The following DNAH5 variants were observed in gnomAD, a reference collection of about 807,000 sequenced individuals.
DNAH5 encodes the protein dynein axonemal heavy chain 5.
A neutral mutation model predicts 518.2 loss-of-function variants in DNAH5; 372 were observed. That is an observed-to-expected ratio of 0.72 (90% confidence interval 0.66 to 0.78). The LOEUF (loss-of-function observed/expected upper bound fraction) is 0.78. Ranked by LOEUF, DNAH5 falls within the 30% of genes least tolerant of loss-of-function variation. The pLI, the probability that DNAH5 is intolerant of heterozygous loss-of-function variation, is 0.00. For missense variants in DNAH5, 5,523 were observed against 5,687.0 expected (o/e 0.97, Z 0.93); for synonymous variants, 2,039 against 2,025.9 (o/e 1.01, Z -0.17).
intron 55 of DNAH5, among the ~76,000 whole-genome samples, chr5:13,775,750 T>A (rs1753997832): frequency 6.6e-6 from 1 of 152,154 alleles, no homozygotes; most frequent in Admixed American, 6.6e-5. Context: ...GACTCCAGAA[T>A]GCTTCCTCCG....
At chr5:13,742,616 C>A (rs1703637223) in intron 65 of DNAH5, among the ~76,000 whole-genome samples, 1 of 151,978 alleles carries the variant, frequency 6.6e-6, no homozygotes, top group Non-Finnish European at 1.5e-5. Context: ...GCAAACCATT[C>A]AATTCTTGAT....
intron 65 of DNAH5, among the ~76,000 whole-genome samples, chr5:13,749,460 C>T (rs1297910037): frequency 2.0e-5 from 3 of 152,266 alleles, no homozygotes; most frequent in Admixed American, 1.3e-4. Flanking sequence ...TAACAAGCTC[C>T]TTATTTCATC....
intron 43 of DNAH5, among the ~76,000 whole-genome samples, chr5:13,814,212 A>G (rs1761105609): frequency 6.6e-6 from 1 of 152,154 alleles, no homozygotes; most frequent in African/African-American, 2.4e-5. Context: ...TAATAAACTG[A>G]CTCCAAGTTA....
intron 31 of DNAH5, among the ~76,000 whole-genome samples, chr5:13,850,133 A>G (rs971860755): frequency 2.0e-5 from 3 of 151,952 alleles, no homozygotes; most frequent in Admixed American, 2.0e-4. Flanking sequence ...TATGTAACAT[A>G]TTTCTACTTA....
At chr5:13,769,275 T>C in intron 57 of DNAH5, 139 bp from the exon 58 acceptor site, 3 of 938,556 alleles carry the variant, frequency 3.2e-6, no homozygotes, top group Non-Finnish European at 4.8e-6. Flanking sequence ...TGAGATGGAG[T>C]CTCGCTCTGT....
intron 22 of DNAH5, among the ~76,000 whole-genome samples, 188 bp from the exon 23 acceptor site, chr5:13,871,953 T>C (rs929269101): frequency 6.6e-6 from 1 of 152,204 alleles, no homozygotes; most frequent in African/African-American, 2.4e-5. Context: ...CCAGGGCTAG[T>C]AACAGTTTCA....
At chr5:13,976,827 T>G (rs535270813) in intron 1 of DNAH5, among the ~76,000 whole-genome samples, 1 of 152,040 alleles carries the variant, frequency 6.6e-6, no homozygotes, top group Non-Finnish European at 1.5e-5. Flanking sequence ...GATTACTGTA[T>G]TCATGCAATT....
rs776823951 is a variant in DNAH5 at position 13,928,074 on chromosome 5, G to A, written c.277+20C>T. The stretch of plus-strand genomic sequence containing the variant: ...ATCTAATAACACATTTCTGGGTTAT[G>A]TCACATCAAATTCAGATACCTGTTT... On this transcript the variant is annotated intron_variant, in intron 3 of 78. Transcript: ENST00000265104. 2 of 1,588,756 alleles carry A rather than the reference G, an allele frequency of 1.3e-6. No homozygotes were observed. Among genetic ancestry groups the A allele is most frequent in the African/African-American group, 1.3e-5 (1 of 74,420 alleles).
chr5:13,913,813 G>A lies in DNAH5; in HGVS notation c.1466C>T (p.Thr489Ile), dbSNP rs764562876. Residue 489 changes from threonine (T) to isoleucine (I), a missense_variant, in exon 11 of 79, where the codon ACC becomes ATC. This residue lies in a region of DNAH5 where 5,121 missense variants were observed against 5,223.3 expected (regional missense o/e 0.98). Transcript: ENST00000265104. ...RLAKIIDIFT[T>I]LKTYSVLQDS... ...TTGCAGGACTGAATACGTCTTGAGG[G>A]TTGTAAAGATGTCTATTATCTTGGC... 8 of 1,613,612 alleles carry A rather than the reference G, an allele frequency of 5.0e-6. No individual in the cohort carries two copies. The highest frequency in any genetic ancestry group is 5.1e-6 in the Non-Finnish European group (6 of 1,179,622).
chr5:13,747,675 T>A (rs1487248907), intron 65 of DNAH5, among the ~76,000 whole-genome samples: 1 of 152,236 alleles, frequency 6.6e-6, no homozygotes, highest in Non-Finnish European at 1.5e-5. Flanking sequence ...GTTGGCTGCA[T>A]AAATGTCTTC....
intron 52 of DNAH5, among the ~76,000 whole-genome samples, chr5:13,783,665 C>T (rs1755537059): frequency 6.6e-6 from 1 of 152,116 alleles, no homozygotes; most frequent in Non-Finnish European, 1.5e-5. Flanking sequence ...AGAGGTATCA[C>T]ACAGATACAC....
intron 10 of DNAH5, 68 bp downstream of exon 10, chr5:13,914,452 A>T: frequency 6.5e-7 from 1 of 1,532,446 alleles, no homozygotes; most frequent in Non-Finnish European, 9.0e-7. Flanking sequence ...TTACAAAATG[A>T]TTTAAGATGG....
chr5:13,985,430 AATATATATATAT>A (rs145568740), intron 1 of DNAH5, among the ~76,000 whole-genome samples: 50,809 of 127,234 alleles, frequency 0.4, 10,175 homozygotes, highest in South Asian at 0.51. Context: ...AGTATAATAA[AATATATATATAT>A]ATATATATAT....
rs186427919 is a variant in DNAH5, at chr5:13,743,980, G to A, written c.11212-6485C>T. On this transcript the variant is annotated intron_variant, in intron 65 of 78. Coordinates refer to ENST00000265104, the MANE Select transcript of DNAH5 (RefSeq NM_001369.3). ...ACATGATCCATCAATCCCACCACTGGGCATTTATTCAAAGGAAAGGAAATC... is the reference window on the plus strand; with the variant it reads ...ACATGATCCATCAATCCCACCACTGAGCATTTATTCAAAGGAAAGGAAATC... Among the ~76,000 whole-genome samples, 38 of 152,098 alleles carry A rather than the reference G, an allele frequency of 2.5e-4. No individual in the cohort carries two copies. In the East Asian group the frequency reaches 7.3e-3, roughly 29 times the overall value.
At chr5:13,716,222 T>C (rs952887429) in intron 74 of DNAH5, among the ~76,000 whole-genome samples, 1 of 152,116 alleles carries the variant, frequency 6.6e-6, no homozygotes, top group African/African-American at 2.4e-5. Flanking sequence ...ATCTATCATC[T>C]TCCTCAAAGA....
chr5:13,968,544 A>T (rs531351237), intron 1 of DNAH5, among the ~76,000 whole-genome samples: 1 of 152,148 alleles, frequency 6.6e-6, no homozygotes, highest in Non-Finnish European at 1.5e-5. Context: ...ATTTTGTCCA[A>T]TGCTTTTTCT....
At chr5:13,983,326 G>A (rs28578101) in intron 1 of DNAH5, among the ~76,000 whole-genome samples, 11 of 152,142 alleles carry the variant, frequency 7.2e-5, no homozygotes, top group African/African-American at 1.7e-4. Flanking sequence ...GCCTGAAGTC[G>A]TTAAATGGCT....
At chr5:13,750,146 A>T (rs1022271958) in intron 65 of DNAH5, among the ~76,000 whole-genome samples, 5 of 152,182 alleles carry the variant, frequency 3.3e-5, no homozygotes, top group African/African-American at 1.2e-4. Flanking sequence ...ACCGTACAAC[A>T]CACAGAAAAG....
At position 13,714,550 on chromosome 5, in the gene DNAH5, T is replaced by A; in HGVS notation, c.12980A>T (p.Lys4327Met). 6.2e-7 allele frequency: 1 copy of A among 1,614,192 alleles called. No individual in the cohort carries two copies. The highest frequency in any genetic ancestry group is 8.5e-7 in the Non-Finnish European group (1 of 1,180,026). The stretch of plus-strand genomic sequence containing the variant: ...GGTGTCCAGCACGTCCTTGGCCAGC[T>A]TGCTCTGGTAGGTGATGTCAGCATT... ...HPNADITYQSKLAKDVLDTIL... is the reference protein window; with the variant it reads ...HPNADITYQSMLAKDVLDTIL... The change falls in exon 75 of 79, where the codon AAG becomes ATG. Residue 4327 changes from lysine (K) to methionine (M), a missense_variant. This residue lies in a region of DNAH5 where 387 missense variants were observed against 430.0 expected (regional missense o/e 0.90). Transcript: ENST00000265104.
Sources: gnomAD v4.1 joint callset for allele counts (sites outside exome capture counted in the v4.1 genomes callset) on GRCh38, gnomAD v4.1.1 for gene constraint, gnomAD v4.1.1 regional missense constraint, MANE v1.5 for transcripts, NCBI Gene and HGNC (gene_info 2026-07-23, HGNC 2026-07-21) for gene names.